Variants in PDE10A observed in about 807,000 individuals in gnomAD.
PDE10A encodes cAMP and cAMP-inhibited cGMP 3',5'-cyclic phosphodiesterase 10A.
In PDE10A, 39 loss-of-function variants were observed where a neutral mutation model predicts 97.7. The observed-to-expected ratio is 0.40, with a 90% CI of 0.31 to 0.52. The LOEUF (loss-of-function observed/expected upper bound fraction) is 0.52, where lower values mean the gene tolerates loss of function less well. Among genes scored for constraint, PDE10A ranks in the 20% least tolerant of loss-of-function variants. The probability of loss-of-function intolerance (pLI) is 0.56; values close to 1 mark genes in which losing one functional copy is unlikely to be tolerated. For synonymous variants in PDE10A, 371 were observed against 376.8 expected, an observed-to-expected ratio of 0.98 and a Z score of 0.18; for missense variants, 731 against 1,047.8, an observed-to-expected ratio of 0.70 and a Z score of 4.17.
At chr6:165,433,859 C>CA (rs1789784821) in intron 6 of PDE10A, among the ~76,000 whole-genome samples, 2 of 151,288 alleles carry the variant, frequency 1.3e-5, no homozygotes, top group South Asian at 2.1e-4. Context: ...ACTAAAAATA[C>CA]AAAACAAATT....
chr6:165,858,524 G>A (rs1303299962), intron 1 of PDE10A, among the ~76,000 whole-genome samples: 1 of 152,174 alleles, frequency 6.6e-6, no homozygotes. Flanking sequence ...GGTCACTGGG[G>A]GTGAGTGCTC....
intron 3 of PDE10A, among the ~76,000 whole-genome samples, chr6:165,474,611 A>G (rs1213987307): frequency 6.6e-6 from 1 of 152,154 alleles, no homozygotes; most frequent in Non-Finnish European, 1.5e-5. Context: ...ACATTGTGAC[A>G]TGGAATTTAC....
intron 1 of PDE10A, among the ~76,000 whole-genome samples, chr6:165,886,072 A>G (rs2128481292): frequency 6.6e-6 from 1 of 152,360 alleles, no homozygotes; most frequent in East Asian, 1.9e-4. Flanking sequence ...TATTTTTTGA[A>G]TCATTGTAAT....
intron 1 of PDE10A, among the ~76,000 whole-genome samples, chr6:165,674,441 C>T (rs1419816379): frequency 1.3e-5 from 2 of 152,260 alleles, no homozygotes; most frequent in African/African-American, 4.8e-5. Flanking sequence ...GAGCTCCCTG[C>T]TGATGCGCAG....
At chr6:165,672,517 C>T (rs1231240750) in intron 1 of PDE10A, among the ~76,000 whole-genome samples, 1 of 152,202 alleles carries the variant, frequency 6.6e-6, no homozygotes, top group African/African-American at 2.4e-5. Flanking sequence ...TGTGTCCCCA[C>T]CCAAATCTCA....
rs116295667 is a variant in PDE10A, at chr6:165,536,512, C to G, written c.994+6928G>C. ...CAAGCAAACAAAGTGAAGAGACAACCTACAGAATAGGAGAAAATATCTGCT... is the reference window on the plus strand; with the variant it reads ...CAAGCAAACAAAGTGAAGAGACAACGTACAGAATAGGAGAAAATATCTGCT... On this transcript the variant is annotated intron_variant, in intron 2 of 21. Transcript: ENST00000539869. 4.8e-3 allele frequency among the ~76,000 whole-genome samples: 732 copies of G among 151,490 alleles called. 4 individuals carry two copies. Among genetic ancestry groups the G allele is most frequent in the African/African-American group, 0.017 (686 of 41,342 alleles).
chr6:165,397,399 T>G (rs1363968095), intron 13 of PDE10A, among the ~76,000 whole-genome samples: 1 of 152,158 alleles, frequency 6.6e-6, no homozygotes, highest in Non-Finnish European at 1.5e-5. Context: ...TAGGTAAGAC[T>G]ATCCAGTCTA....
chr6:165,557,285 A>C (rs941806329), intron 1 of PDE10A, among the ~76,000 whole-genome samples: 5 of 152,168 alleles, frequency 3.3e-5, no homozygotes, highest in African/African-American at 1.2e-4. Context: ...AAGAAACAAA[A>C]AATGGAGAAA....
chr6:165,741,759 A>G (rs1792726770), intron 1 of PDE10A, among the ~76,000 whole-genome samples: 1 of 152,220 alleles, frequency 6.6e-6, no homozygotes, highest in Non-Finnish European at 1.5e-5. Context: ...AGAGAAAGAA[A>G]TGAGATTGAT....
chr6:165,483,299 C>T (rs1779710667), intron 2 of PDE10A, among the ~76,000 whole-genome samples: 1 of 152,166 alleles, frequency 6.6e-6, no homozygotes, highest in South Asian at 2.1e-4. Context: ...TAGCTCAATG[C>T]TATAGGACAG....
intron 19 of PDE10A, among the ~76,000 whole-genome samples, chr6:165,342,978 G>A (rs1782065569): frequency 6.6e-6 from 1 of 152,144 alleles, no homozygotes; most frequent in South Asian, 2.1e-4. Flanking sequence ...AATGTCTATG[G>A]TGCAAAACAA....
chr6:165,531,228 G>T (rs1782759283), intron 2 of PDE10A, among the ~76,000 whole-genome samples: 1 of 151,566 alleles, frequency 6.6e-6, no homozygotes, highest in Admixed American at 6.6e-5. Flanking sequence ...TTATATTTAT[G>T]GTCTAATTGG....
At chr6:165,595,828 A>C (rs1436742045) in intron 1 of PDE10A, among the ~76,000 whole-genome samples, 1 of 152,172 alleles carries the variant, frequency 6.6e-6, no homozygotes, top group African/African-American at 2.4e-5. Context: ...GCCTCTTATC[A>C]GAGCATTAAT....
Position 165,330,099 on chromosome 6 carries a change from A to G in PDE10A, c.*2926T>C, listed in dbSNP as rs1781256918. On this transcript the variant is annotated 3_prime_UTR_variant, in exon 22 of 22. Coordinates refer to ENST00000539869, the MANE Select transcript of PDE10A (RefSeq NM_001385079.1). ...AAACATATTCACTGTGTCCAAAAAG[A>G]TAATGGAATAATTGCATATGACCAT... The G allele has an allele frequency of 6.6e-6, 1 of 152,246 alleles. No homozygotes were observed. The highest frequency in any genetic ancestry group is 2.1e-4 in the South Asian group (1 of 4,836). 9.4% of individuals were successfully genotyped at this position (152,246 alleles called of 1,614,324 possible).
intron 11 of PDE10A, 69 bp from the exon 12 acceptor site, chr6:165,416,350 C>T: frequency 1.0e-6 from 1 of 983,688 alleles, no homozygotes; most frequent in Non-Finnish European, 1.6e-6. Flanking sequence ...AAAAATATTC[C>T]ATTGTTAATA....
chr6:165,959,293 G>C (rs1369682195), intron 1 of PDE10A, among the ~76,000 whole-genome samples: 1 of 152,154 alleles, frequency 6.6e-6, no homozygotes, highest in East Asian at 1.9e-4. Flanking sequence ...CTTTGAGCTG[G>C]ATAGGGTGGG....
chr6:165,826,569 C>T lies in PDE10A; in HGVS notation c.-615+160960G>A, dbSNP rs114006068. Among the ~76,000 whole-genome samples the T allele has an allele frequency of 2.5e-3, 386 of 152,216 alleles. 1 individual carries two copies. The highest frequency in any genetic ancestry group is 8.6e-3 in the African/African-American group (357 of 41,528). On this transcript the variant is annotated intron_variant, in intron 1 of 19. Coordinates refer to the PDE10A transcript ENST00000366882. ...CCCGTCTCTCTCTCTCCCACGCTCCCGCCACGCCCCCAGGTATGTACCCAC... is the reference window on the plus strand; with the variant it reads ...CCCGTCTCTCTCTCTCCCACGCTCCTGCCACGCCCCCAGGTATGTACCCAC...
At chr6:165,766,529 A>T (rs2051738527) in intron 1 of PDE10A, among the ~76,000 whole-genome samples, 1 of 152,226 alleles carries the variant, frequency 6.6e-6, no homozygotes, top group South Asian at 2.1e-4. Context: ...AGCCTTTTAC[A>T]AATTAAGGTC....
intron 1 of PDE10A, among the ~76,000 whole-genome samples, chr6:165,881,637 T>C (rs1454316143): frequency 1.3e-5 from 2 of 150,690 alleles, no homozygotes; most frequent in Non-Finnish European, 3.0e-5. Flanking sequence ...TCTCTTGACC[T>C]CGTGATCCGC....
Sources: gnomAD v4.1 joint callset for allele counts (sites outside exome capture counted in the v4.1 genomes callset) on GRCh38, gnomAD v4.1.1 for gene constraint, MANE v1.5 for transcripts, NCBI Gene and HGNC (gene_info 2026-07-23, HGNC 2026-07-21) for gene names.